The following SPIRE2 variants were observed in gnomAD, a reference collection of about 807,000 sequenced individuals.
SPIRE2 encodes the protein protein spire homolog 2.
SPIRE2 carries 76 observed loss-of-function variants against 80.7 expected under a neutral mutation model. The ratio of observed to expected loss-of-function variants is 0.94; its 90% CI spans 0.78 to 1.14. The LOEUF (loss-of-function observed/expected upper bound fraction) is 1.14. Among genes scored for constraint, SPIRE2 ranks in the 50% most tolerant of loss-of-function variants. SPIRE2 has a pLI of 0.00. For synonymous variants in SPIRE2, 535 were observed against 432.6 expected (o/e 1.24, Z -2.94); for missense variants, 1,196 against 1,015.3 (o/e 1.18, Z -2.42).
At chr16:89,841,386 G>C (rs2041504060) in intron 1 of SPIRE2, among the ~76,000 whole-genome samples, 1 of 152,106 alleles carries the variant, frequency 6.6e-6, no homozygotes, top group South Asian at 2.1e-4. Context: ...CTCTACCCTG[G>C]AGAGAATTTT....
At chr16:89,851,344 G>T (rs1019823658) in intron 3 of SPIRE2, among the ~76,000 whole-genome samples, 12 of 152,184 alleles carry the variant, frequency 7.9e-5, no homozygotes, top group Non-Finnish European at 1.3e-4. Flanking sequence ...TCTATACGCA[G>T]GAACCACAGG....
At chr16:89,854,185 G>A (rs1277703952) in intron 3 of SPIRE2, 101 bp from the exon 4 acceptor site, 4 of 1,098,936 alleles carry the variant, frequency 3.6e-6, no homozygotes, top group East Asian at 5.2e-5. Context: ...GGCTGGTCGA[G>A]TGGAGCCCCC....
At chr16:89,860,393 G>C (rs955217819) in intron 9 of SPIRE2, among the ~76,000 whole-genome samples, 1 of 152,078 alleles carries the variant, frequency 6.6e-6, no homozygotes, top group Admixed American at 6.5e-5. Context: ...TGAGTAGCTA[G>C]GACTACCGAC....
chr16:89,853,014 A>G (rs944706461), intron 3 of SPIRE2, among the ~76,000 whole-genome samples: 10 of 121,766 alleles, frequency 8.2e-5, no homozygotes, highest in Admixed American at 1.7e-4. Context: ...CTCACCCTCA[A>G]GATCCCATGG....
In SPIRE2 at chr16:89,860,735, G is replaced by T; in HGVS notation, c.1515G>T (p.Arg505=). The change falls in exon 10 of 15, where the codon CGG becomes CGT. Residue 505 remains arginine, a synonymous_variant. Coordinates refer to ENST00000378247, the MANE Select transcript of SPIRE2 (RefSeq NM_032451.2). Reference sequence around the variant, plus strand: ...CCAGCCACCCCCTACTCAGCAACCGGGGCTCCTCGGGGGACAGACCCGAGG... The same window carrying T: ...CCAGCCACCCCCTACTCAGCAACCGTGGCTCCTCGGGGGACAGACCCGAGG... ...SDPSHPLLSN[R]GSSGDRPEAS... The T allele has an allele frequency of 6.3e-7, 1 of 1,586,974 alleles. No individual in the cohort carries two copies.
rs188109604 is a variant in SPIRE2 at position 89,863,231 on chromosome 16, G to A, written c.1576-245G>A. 5.1e-4 allele frequency: 283 copies of A among 555,196 alleles called. No homozygotes were observed. The highest frequency in any genetic ancestry group is 4.5e-3 in the African/African-American group (236 of 52,996). The allele number at this position is 555,196 out of a possible 1,614,324, so 34.4% of individuals were successfully genotyped here. The stretch of plus-strand genomic sequence containing the variant: ...GGGCTGAGGGGAGTTTGTGTGGAGC[G>A]TGGCCAGTGAAGGCTGGGCTGGCCG... On this transcript the variant is annotated intron_variant, in intron 10 of 14. Transcript: ENST00000378247. This position sits in a 1 kb window ranked among gnomAD's most constrained non-coding sequence, Gnocchi z 4.3.
Position 89,859,361 on chromosome 16 carries a change from G to A in SPIRE2, c.1462+7G>A. 9 of 1,542,478 alleles carry A rather than the reference G, an allele frequency of 5.8e-6. No homozygotes were observed. The highest frequency in any genetic ancestry group is 7.8e-6 in the Non-Finnish European group (9 of 1,147,978). ...CCCGGCTCCCGAGACCAGGGCAAGT[G>A]CTGCTTCTCACCCCCGTACCCTCCT... is the stretch of plus-strand genomic sequence containing the variant. On this transcript the variant is annotated splice_region_variant and intron_variant, in intron 9 of 14. Coordinates refer to ENST00000378247, the MANE Select transcript of SPIRE2 (RefSeq NM_032451.2).
chr16:89,851,766 G>C lies in SPIRE2; in HGVS notation c.645+1106G>C, dbSNP rs1469935284. Among the ~76,000 whole-genome samples the C allele has an allele frequency of 2.0e-5, 3 of 152,224 alleles. No homozygotes were observed. The East Asian group carries it at 5.8e-4, about 29-fold the overall frequency. On this transcript the variant is annotated intron_variant, in intron 3 of 14. Transcript: ENST00000378247. ...CAGCATCTCATGGAGGAGAACGCCAGGCCTTGGAGAGGCAGGGGATTCCCT... is the reference window on the plus strand; with the variant it reads ...CAGCATCTCATGGAGGAGAACGCCACGCCTTGGAGAGGCAGGGGATTCCCT...
chr16:89,840,793 G>T (rs762259926), intron 1 of SPIRE2, among the ~76,000 whole-genome samples: 35 of 149,030 alleles, frequency 2.3e-4, no homozygotes, highest in Non-Finnish European at 4.9e-4. Flanking sequence ...CCGCCACCAC[G>T]CCCAGCTTAT....
At chr16:89,829,715 C>T (rs550567544) in intron 1 of SPIRE2, among the ~76,000 whole-genome samples, 1 of 139,288 alleles carries the variant, frequency 7.2e-6, no homozygotes, top group Non-Finnish European at 1.7e-5. Context: ...ATCCTGGAGC[C>T]CCCCCCTCAG....
chr16:89,836,866 A>G (rs2041455409), intron 1 of SPIRE2, among the ~76,000 whole-genome samples: 1 of 151,660 alleles, frequency 6.6e-6, no homozygotes, highest in South Asian at 2.1e-4. Context: ...GTCGTGGTAC[A>G]TGCCTGTAAT....
chr16:89,834,369 G>A (rs1251765223), intron 1 of SPIRE2, among the ~76,000 whole-genome samples: 3 of 137,228 alleles, frequency 2.2e-5, no homozygotes, highest in Admixed American at 1.5e-4. Flanking sequence ...GTTGGCCGTC[G>A]TAGAAGCCTG....
intron 3 of SPIRE2, among the ~76,000 whole-genome samples, chr16:89,851,950 C>G (rs894029271): frequency 6.6e-6 from 1 of 151,890 alleles, no homozygotes; most frequent in Non-Finnish European, 1.5e-5. Flanking sequence ...GTTTTGACGC[C>G]GGGTGGCAGC....
At chr16:89,869,068 A>ATG (rs1490055627) in intron 13 of SPIRE2, among the ~76,000 whole-genome samples, 3 of 96,338 alleles carry the variant, frequency 3.1e-5, no homozygotes, top group African/African-American at 8.2e-5. Flanking sequence ...ATATATATAT[A>ATG]TATATATGTT....
At chr16:89,860,226 C>T (rs992011593) in intron 9 of SPIRE2, among the ~76,000 whole-genome samples, 4 of 152,134 alleles carry the variant, frequency 2.6e-5, no homozygotes, top group African/African-American at 4.8e-5. Context: ...ACATGGGCCC[C>T]GATGAATGTC....
In SPIRE2 at chr16:89,859,251, G is replaced by A; in HGVS notation, c.1359G>A (p.Val453=). 6.2e-7 allele frequency: 1 copy of A among 1,608,480 alleles called. No individual in the cohort carries two copies. Among genetic ancestry groups the A allele is most frequent in the South Asian group, 1.1e-5 (1 of 90,712 alleles). Residue 453 remains valine, a synonymous_variant, in exon 9 of 15, where the codon GTG becomes GTA. Transcript: ENST00000378247. ...ACCTGGCCCAGCTCCGAAGTGAGGTGGCCTCTGGCCTGCAGTCGGCCACCC... is the reference window on the plus strand; with the variant it reads ...ACCTGGCCCAGCTCCGAAGTGAGGTAGCCTCTGGCCTGCAGTCGGCCACCC... The part of the protein sequence containing the change: ...EHDLAQLRSE[V]ASGLQSATHP...
intron 2 of SPIRE2, chr16:89,849,982 C>T (rs546888699): frequency 6.0e-5 from 25 of 419,244 alleles, no homozygotes; most frequent in Non-Finnish European, 9.5e-5. Context: ...GGATTTCAGG[C>T]GTGCACCACC....
At chr16:89,837,450 CA>C (rs1415262421) in intron 1 of SPIRE2, among the ~76,000 whole-genome samples, 1 of 152,206 alleles carries the variant, frequency 6.6e-6, no homozygotes, top group Non-Finnish European at 1.5e-5. Context: ...GCGCATGTGA[CA>C]GGGGTGCTTC....
chr16:89,853,664 C>G (rs1238521409), intron 3 of SPIRE2, among the ~76,000 whole-genome samples: 1 of 152,054 alleles, frequency 6.6e-6, no homozygotes, highest in African/African-American at 2.4e-5. Context: ...AGGTGCTTCT[C>G]TAGAGTTGGG....
Sources: gnomAD v4.1 joint callset for allele counts (sites outside exome capture counted in the v4.1 genomes callset) on GRCh38, gnomAD v4.1.1 for gene constraint, Gnocchi (gnomAD v3.1) non-coding constraint, MANE v1.5 for transcripts, NCBI Gene and HGNC (gene_info 2026-07-23, HGNC 2026-07-21) for gene names.